The following ROPN1 variants were observed in gnomAD, a reference collection of about 807,000 sequenced individuals.
The protein encoded by ROPN1 is rhophilin associated tail protein 1, also known as ropporin-1A.
ROPN1 carries 14 observed loss-of-function variants against 20.5 expected under a neutral mutation model. The observed-to-expected ratio is 0.68, with a 90% CI of 0.45 to 1.07. ROPN1 has a LOEUF of 1.07. Ranked by LOEUF, ROPN1 falls within the 50% of genes least tolerant of loss-of-function variation. The pLI, the probability that ROPN1 is intolerant of heterozygous loss-of-function variation, is 0.00. For missense variants in ROPN1, 169 were observed against 242.8 expected, an observed-to-expected ratio of 0.70 and a Z score of 2.02; for synonymous variants, 76 against 95.7, an observed-to-expected ratio of 0.79 and a Z score of 1.20.
intron 4 of ROPN1, among the ~76,000 whole-genome samples, chr3:123,970,546 T>A (rs998143913): frequency 4.6e-5 from 7 of 152,216 alleles, no homozygotes; most frequent in Non-Finnish European, 1.0e-4. Flanking sequence ...GCATTCTATA[T>A]AATTAGAATT....
chr3:123,982,621 A>G (rs960917301), intron 1 of ROPN1, among the ~76,000 whole-genome samples: 8 of 152,038 alleles, frequency 5.3e-5, no homozygotes, highest in Admixed American at 3.9e-4. Context: ...TTAAAAAGTT[A>G]CTCTTATAAG....
At chr3:123,969,943 T>C (rs2148988896) in intron 5 of ROPN1, 99 bp downstream of exon 5, 3 of 1,159,594 alleles carry the variant, frequency 2.6e-6, no homozygotes, top group South Asian at 1.7e-5. Context: ...AATACTTTTC[T>C]GTTTCCAGAG....
intron 1 of ROPN1, among the ~76,000 whole-genome samples, chr3:123,988,011 A>G (rs1280975277): frequency 2.0e-5 from 3 of 152,174 alleles, no homozygotes; most frequent in Non-Finnish European, 2.9e-5. Context: ...AAGTTGTGCA[A>G]CATGGTTCCC....
At position 123,980,385 on chromosome 3, in the gene ROPN1, G is replaced by A. The variant is rs151245446; in HGVS notation, c.97C>T (p.Leu33Phe). 14 of 1,614,070 alleles carry A rather than the reference G, an allele frequency of 8.7e-6. No individual in the cohort carries two copies. Among genetic ancestry groups the A allele is most frequent in the African/African-American group, 6.7e-5 (5 of 74,916 alleles). Residue 33 changes from leucine to phenylalanine, a missense_variant, in exon 2 of 6, where the codon CTC (leucine) becomes TTC (phenylalanine). By Grantham distance (22) the Leu-to-Phe change is conservative (BLOSUM62 0). Transcript: ENST00000405845. ...KAAIRVQPQDLIQWAADYFEA... is the reference protein window; with the variant it reads ...KAAIRVQPQDFIQWAADYFEA... ...ACGTACTCGGCTGCCCACTGGATGA[G>A]GTCCTGCGGCTGCACCCTAATGGCG...
At chr3:123,976,809 A>G (rs1577366153) in intron 3 of ROPN1, 55 bp downstream of exon 3, 7 of 1,551,458 alleles carry the variant, frequency 4.5e-6, no homozygotes, top group Non-Finnish European at 6.2e-6. Flanking sequence ...GTCTGTACCC[A>G]CCCAGCCTCA....
intron 1 of ROPN1, 25 bp downstream of exon 1, chr3:123,991,897 C>T (rs1282802757): frequency 2.1e-5 from 3 of 144,364 alleles, no homozygotes; most frequent in Admixed American, 7.0e-5. Context: ...CCTGCCCTCC[C>T]TCCACTTCCC....
intron 5 of ROPN1, 100 bp downstream of exon 5, chr3:123,969,942 C>G (rs2037882041): frequency 8.8e-7 from 1 of 1,141,948 alleles, no homozygotes; most frequent in Non-Finnish European, 1.2e-6. Context: ...CAATACTTTT[C>G]TGTTTCCAGA....
chr3:123,970,695 T>G (rs2037898943), intron 4 of ROPN1, among the ~76,000 whole-genome samples: 2 of 152,094 alleles, frequency 1.3e-5, no homozygotes, highest in African/African-American at 4.8e-5. Context: ...CCCAGGAAAA[T>G]GGAGTCCCAG....
At chr3:123,987,896 C>T (rs2149003774) in intron 1 of ROPN1, among the ~76,000 whole-genome samples, 1 of 152,292 alleles carries the variant, frequency 6.6e-6, no homozygotes, top group South Asian at 2.1e-4. Context: ...TTATCTAAGC[C>T]ATGCTCATAT....
intron 1 of ROPN1, among the ~76,000 whole-genome samples, chr3:123,982,473 TACA>T (rs1168179662): frequency 1.3e-5 from 2 of 152,162 alleles, no homozygotes; most frequent in Non-Finnish European, 2.9e-5. Context: ...ATTAGGGAAA[TACA>T]ACAAGGGTCT....
chr3:123,972,012 T>C (rs1249879811), intron 4 of ROPN1, among the ~76,000 whole-genome samples: 1 of 152,180 alleles, frequency 6.6e-6, no homozygotes, highest in African/African-American at 2.4e-5. Context: ...GAACACAGTT[T>C]GAGAAGCTGG....
intron 2 of ROPN1, chr3:123,979,658 T>A (rs1432019062): frequency 1.6e-5 from 6 of 375,710 alleles, no homozygotes; most frequent in Admixed American, 1.5e-4. Context: ...AAGGCACCCG[T>A]GTTTGAGGCA....
chr3:123,982,348 G>A (rs1306963693), intron 1 of ROPN1, among the ~76,000 whole-genome samples: 2 of 152,122 alleles, frequency 1.3e-5, no homozygotes, highest in Non-Finnish European at 2.9e-5. Flanking sequence ...GCAATATATT[G>A]TTTCTGGTGA....
intron 4 of ROPN1, among the ~76,000 whole-genome samples, chr3:123,972,018 G>T (rs1341719360): frequency 6.6e-6 from 1 of 152,230 alleles, no homozygotes; most frequent in East Asian, 1.9e-4. Flanking sequence ...AGTTTGAGAA[G>T]CTGGCCATTT....
chr3:123,982,905 A>C (rs2038177741), intron 1 of ROPN1, among the ~76,000 whole-genome samples: 1 of 152,134 alleles, frequency 6.6e-6, no homozygotes, highest in Non-Finnish European at 1.5e-5. Flanking sequence ...CCTGGCAACC[A>C]CCATTCTTCT....
chr3:123,976,945 C>A lies in ROPN1; in HGVS notation c.153G>T (p.Pro51=), dbSNP rs372658783. Residue 51 remains proline, a synonymous_variant, in exon 3 of 6, where the codon CCG becomes CCT. Transcript: ENST00000405845. ...CGACTCGCTCAGACCGCTCTCTCACCGGAGGCGTCTCTCCACGGGACAGGG... is the reference window on the plus strand; with the variant it reads ...CGACTCGCTCAGACCGCTCTCTCACAGGAGGCGTCTCTCCACGGGACAGGG... ...FEALSRGETP[P]VRERSERVAL... The A allele has an allele frequency of 1.2e-6, 2 of 1,613,994 alleles. No homozygotes were observed. Among genetic ancestry groups the A allele is most frequent in the Non-Finnish European group, 1.7e-6 (2 of 1,180,020 alleles).
rs2038036361 is a variant in ROPN1, at chr3:123,976,931, G to C, written c.167C>G (p.Ser56Cys). Residue 56 changes from serine to cysteine, a missense_variant, in exon 3 of 6, where the codon TCT becomes TGT. By Grantham distance (112) the Ser-to-Cys change is moderately radical. Around this residue, in one of 3 missense-constraint regions of ROPN1, gnomAD observed 84 missense variants for 99.3 expected, o/e 0.85. Transcript: ENST00000405845. Reference sequence around the variant, plus strand: ...CCGGTTACACAAAGCGACTCGCTCAGACCGCTCTCTCACCGGAGGCGTCTC... The same window carrying C: ...CCGGTTACACAAAGCGACTCGCTCACACCGCTCTCTCACCGGAGGCGTCTC... ...RGETPPVRERSERVALCNRAE... is the reference protein window; with the variant it reads ...RGETPPVRERCERVALCNRAE... The C allele has an allele frequency of 6.2e-7, 1 of 1,614,028 alleles. No homozygotes were observed. The highest frequency in any genetic ancestry group is 1.7e-5 in the Admixed American group (1 of 60,000).
chr3:123,981,173 T>G (rs1206245940), intron 1 of ROPN1, among the ~76,000 whole-genome samples: 1 of 152,232 alleles, frequency 6.6e-6, no homozygotes, highest in East Asian at 1.9e-4. Context: ...AAAGATTTTT[T>G]TCTGCTTTTA....
intron 1 of ROPN1, among the ~76,000 whole-genome samples, chr3:123,984,072 T>A (rs972823040): frequency 6.6e-6 from 1 of 152,306 alleles, no homozygotes; most frequent in South Asian, 2.1e-4. Context: ...CCTCCTTCCA[T>A]AATTCCTCTT....
Sources: allele counts gnomAD v4.1 joint callset (sites outside exome capture counted in the v4.1 genomes callset), GRCh38; gene constraint gnomAD v4.1.1; regional missense constraint gnomAD v4.1.1; transcripts MANE v1.5; gene names NCBI Gene and HGNC (gene_info 2026-07-23, HGNC 2026-07-21).